SUCLG2: variants seen among roughly 807,000 people sequenced by gnomAD.
SUCLG2 encodes the protein succinate--CoA ligase [GDP-forming] subunit beta, mitochondrial.
In SUCLG2, 42 loss-of-function variants were observed where a neutral mutation model predicts 47.9. The ratio of observed to expected loss-of-function variants is 0.88; its 90% CI spans 0.69 to 1.14. SUCLG2 has a LOEUF of 1.14. Among genes scored for constraint, SUCLG2 ranks in the 50% most tolerant of loss-of-function variants. The pLI, the probability that SUCLG2 is intolerant of heterozygous loss-of-function variation, is 0.00. For synonymous variants in SUCLG2, 195 were observed against 197.3 expected (o/e 0.99, Z 0.10); for missense variants, 571 against 525.9 (o/e 1.09, Z -0.84).
At chr3:67,588,176 T>G (rs553232300) in intron 2 of SUCLG2, among the ~76,000 whole-genome samples, 1 of 152,334 alleles carries the variant, frequency 6.6e-6, no homozygotes, top group African/African-American at 2.4e-5. Flanking sequence ...TGGTTACTGT[T>G]GAAGAAACAT....
Position 67,551,729 on chromosome 3 carries a change from G to T in SUCLG2, c.227-22543C>A, listed in dbSNP as rs147799594. Among the ~76,000 whole-genome samples, 48 of 152,252 alleles carry T rather than the reference G, an allele frequency of 3.2e-4. No homozygotes were observed. The East Asian group carries it at 8.1e-3, about 26-fold the overall frequency. On this transcript the variant is annotated intron_variant, in intron 2 of 10. Transcript: ENST00000307227. ...ATGTTGCCATTATTGTTACTATAAT[G>T]GTTGGGACTGTTGTTCTGTGTCTTA...
intron 2 of SUCLG2, among the ~76,000 whole-genome samples, chr3:67,543,614 A>G (rs1122766): frequency 0.27 from 40,536 of 152,138 alleles, 8,926 homozygotes; most frequent in African/African-American, 0.59. Context: ...GCAGTGAGCC[A>G]TGATTATGTC....
At chr3:67,397,620 A>G (rs1702576275) in intron 10 of SUCLG2, among the ~76,000 whole-genome samples, 1 of 152,102 alleles carries the variant, frequency 6.6e-6, no homozygotes, top group Admixed American at 6.6e-5. Flanking sequence ...ATTCAATGCC[A>G]TCCCCATCAA....
chr3:67,471,547 G>A (rs966527633), intron 9 of SUCLG2, among the ~76,000 whole-genome samples: 2 of 152,186 alleles, frequency 1.3e-5, no homozygotes, highest in African/African-American at 4.8e-5. Context: ...TAGCCAGAGA[G>A]AAAGACAGAG....
chr3:67,629,350 T>A (rs908717717), intron 1 of SUCLG2, among the ~76,000 whole-genome samples: 8 of 152,334 alleles, frequency 5.3e-5, no homozygotes, highest in Admixed American at 5.2e-4. Context: ...GCAGGCCACC[T>A]GCACACACAG....
At chr3:67,399,893 C>T (rs11712848) in intron 10 of SUCLG2, among the ~76,000 whole-genome samples, 4,396 of 152,176 alleles carry the variant, frequency 0.029, 112 homozygotes, top group South Asian at 0.1. Context: ...ATTAAAAACT[C>T]CCCCTGGCTA....
chr3:67,549,889 C>A (rs547638631), intron 2 of SUCLG2, among the ~76,000 whole-genome samples: 20 of 151,452 alleles, frequency 1.3e-4, no homozygotes, highest in African/African-American at 4.8e-4. Context: ...CTACAAGGAA[C>A]GTATATTGTA....
intron 2 of SUCLG2, among the ~76,000 whole-genome samples, chr3:67,600,344 G>A (rs1445354554): frequency 6.6e-6 from 1 of 152,084 alleles, no homozygotes; most frequent in Non-Finnish European, 1.5e-5. Context: ...TCCAAAAAAA[G>A]AAGAAAAAAA....
intron 7 of SUCLG2, 108 bp downstream of exon 7, chr3:67,508,699 T>C: frequency 1.2e-6 from 1 of 828,670 alleles, no homozygotes; most frequent in South Asian, 1.9e-5. Context: ...ATTAAATTAC[T>C]GAAAGAAATT....
In SUCLG2 at chr3:67,374,827, T is replaced by G. The variant is rs1203565406; in HGVS notation, c.*917A>C. The G allele has an allele frequency of 1.1e-6, 1 of 915,622 alleles. No homozygotes were observed. Among genetic ancestry groups the G allele is most frequent in the African/African-American group, 2.1e-5 (1 of 47,940 alleles). The allele number at this position is 915,622 out of a possible 1,614,324, so 56.7% of individuals were successfully genotyped here. ...TTTCCCACAACAAAATTGGACATCA[T>G]GGAAAAAAAAAACACATTCAAATAA... is the stretch of plus-strand genomic sequence containing the variant. On this transcript the variant is annotated 3_prime_UTR_variant, in exon 11 of 11. Coordinates refer to ENST00000307227, the MANE Select transcript of SUCLG2 (RefSeq NM_003848.4).
At chr3:67,521,035 T>C (rs924883134) in intron 4 of SUCLG2, among the ~76,000 whole-genome samples, 2 of 152,242 alleles carry the variant, frequency 1.3e-5, no homozygotes, top group Non-Finnish European at 2.9e-5. Flanking sequence ...AAACCAAGCA[T>C]GATTGCCACA....
intron 2 of SUCLG2, among the ~76,000 whole-genome samples, chr3:67,529,772 T>G (rs1431887458): frequency 6.6e-6 from 1 of 152,140 alleles, no homozygotes; most frequent in East Asian, 1.9e-4. Context: ...ATTGGCAAGG[T>G]AACAAAATAT....
chr3:67,477,092 C>A (rs2107004433), intron 9 of SUCLG2, among the ~76,000 whole-genome samples: 1 of 152,160 alleles, frequency 6.6e-6, no homozygotes, highest in South Asian at 2.1e-4. Context: ...TACCTGCCTC[C>A]CATATGCTCA....
intron 9 of SUCLG2, among the ~76,000 whole-genome samples, chr3:67,426,772 C>T (rs1017417854): frequency 2.0e-5 from 3 of 151,934 alleles, no homozygotes; most frequent in Admixed American, 6.6e-5. Context: ...TACAAAAATA[C>T]AAAAAATTAG....
At chr3:67,479,573 A>C (rs778480102) in intron 9 of SUCLG2, among the ~76,000 whole-genome samples, 6 of 152,220 alleles carry the variant, frequency 3.9e-5, no homozygotes, top group Non-Finnish European at 8.8e-5. Flanking sequence ...CTCTGTAGCA[A>C]GAATAGACAG....
intron 10 of SUCLG2, among the ~76,000 whole-genome samples, chr3:67,369,155 T>G (rs1701918004): frequency 6.6e-6 from 1 of 152,222 alleles, no homozygotes; most frequent in Non-Finnish European, 1.5e-5. Flanking sequence ...CTTCTTTTTC[T>G]GTTTTTATGT....
intron 9 of SUCLG2, among the ~76,000 whole-genome samples, chr3:67,489,464 C>T (rs1043214078): frequency 6.6e-6 from 1 of 152,072 alleles, no homozygotes; most frequent in Non-Finnish European, 1.5e-5. Flanking sequence ...TCTCCACAGA[C>T]TAGACTATCA....
chr3:67,468,126 C>CA (rs1280954749), intron 9 of SUCLG2, among the ~76,000 whole-genome samples: 1 of 151,942 alleles, frequency 6.6e-6, no homozygotes, highest in Non-Finnish European at 1.5e-5. Context: ...TCTGAGGAGG[C>CA]AAAAAAATCG....
intron 10 of SUCLG2, among the ~76,000 whole-genome samples, chr3:67,377,438 T>C (rs1267284789): frequency 2.6e-5 from 4 of 152,108 alleles, no homozygotes; most frequent in Non-Finnish European, 4.4e-5. Flanking sequence ...AGTAGAGTGC[T>C]ATTGCTGGAA....
Sources: allele counts gnomAD v4.1 joint callset (sites outside exome capture counted in the v4.1 genomes callset), GRCh38; gene constraint gnomAD v4.1.1; transcripts MANE v1.5; gene names NCBI Gene and HGNC (gene_info 2026-07-23, HGNC 2026-07-21).